The following RABGAP1 variants were observed in gnomAD, a reference collection of about 807,000 sequenced individuals.
RABGAP1 encodes the protein RAB GTPase activating protein 1, also known as rab GTPase-activating protein 1.
RABGAP1 carries 23 observed loss-of-function variants against 137.6 expected under a neutral mutation model. That is an observed-to-expected ratio of 0.17 (90% CI 0.12 to 0.24). RABGAP1 has a LOEUF of 0.24. RABGAP1 is among the 10% of genes least tolerant of loss of function. The pLI is 1.00. For synonymous variants in RABGAP1, 451 were observed against 450.7 expected (o/e 1.00, Z -0.01); for missense variants, 906 against 1,275.8 (o/e 0.71, Z 4.42).
At chr9:122,990,500 T>C (rs1229633651) in intron 6 of RABGAP1, 1 of 200,230 alleles carries the variant, frequency 5.0e-6, no homozygotes, top group Non-Finnish European at 1.0e-5. Flanking sequence ...CCAGGCGCTG[T>C]GGCTCACACC....
chr9:122,966,868 C>T (rs7040967), intron 2 of RABGAP1, among the ~76,000 whole-genome samples: 16,488 of 152,060 alleles, frequency 0.11, 2,887 homozygotes, highest in African/African-American at 0.37. Flanking sequence ...TGGAAGCAGG[C>T]AAGAGAAGAG....
chr9:123,060,472 G>A (rs947019240), intron 13 of RABGAP1, among the ~76,000 whole-genome samples: 1 of 152,166 alleles, frequency 6.6e-6, no homozygotes, highest in Non-Finnish European at 1.5e-5. Context: ...ATGGACATTT[G>A]AGGTTTCTAG....
At chr9:123,034,924 C>G (rs1343587719) in intron 13 of RABGAP1, 4 of 1,613,082 alleles carry the variant, frequency 2.5e-6, no homozygotes, top group Non-Finnish European at 2.5e-6. Flanking sequence ...CATGGCTTCT[C>G]TGGCCTGTAT....
At chr9:123,038,080 A>AT (rs935004369) in intron 13 of RABGAP1, among the ~76,000 whole-genome samples, 1 of 152,092 alleles carries the variant, frequency 6.6e-6, no homozygotes, top group African/African-American at 2.4e-5. Context: ...AACTAGTTGT[A>AT]TTTTTTAATG....
In RABGAP1 at chr9:123,015,581, T is replaced by G; in HGVS notation, c.1588T>G (p.Ser530Ala). 1 of 1,612,836 alleles carries G rather than the reference T, an allele frequency of 6.2e-7. No individual in the cohort carries two copies. Among genetic ancestry groups the G allele is most frequent in the Non-Finnish European group, 8.5e-7 (1 of 1,179,118 alleles). Reference protein sequence around the residue: ...EPLLSGSGDVSKECAEKILET... With the variant: ...EPLLSGSGDVAKECAEKILET... ...TCTCCTGAGTGGATCTGGTGATGTA[T>G]CCAAAGAATGTGCAGAAAAAATTCT... is the stretch of plus-strand genomic sequence containing the variant. The change falls in exon 12 of 26, where the codon TCC becomes GCC. Residue 530 changes from serine to alanine, a missense_variant. Around this residue, in one of 9 missense-constraint regions of RABGAP1, gnomAD observed 212 missense variants for 289.4 expected, o/e 0.73. Coordinates refer to ENST00000373647, the MANE Select transcript of RABGAP1 (RefSeq NM_012197.4).
rs542039183 is a variant in RABGAP1 at position 122,944,348 on chromosome 9, G to A, written c.-50+3255G>A. Among the ~76,000 whole-genome samples the A allele has an allele frequency of 4.6e-5, 7 of 151,434 alleles. No individual in the cohort carries two copies. In the East Asian group the frequency reaches 1.4e-3, roughly 29 times the overall value. On this transcript the variant is annotated intron_variant, in intron 1 of 25. Transcript: ENST00000373647. ...GGGCACCAGTGATCCTCCTGCTTCA[G>A]CCTCCCAAGTAGCTAGGACTGCAGG... is the stretch of plus-strand genomic sequence containing the variant.
chr9:123,017,066 T>G (rs2031285739), intron 12 of RABGAP1, among the ~76,000 whole-genome samples: 1 of 152,206 alleles, frequency 6.6e-6, no homozygotes, highest in African/African-American at 2.4e-5. Flanking sequence ...TGGTATTTCT[T>G]TACATCAGGA....
At chr9:123,010,572 C>T (rs373522600) in intron 11 of RABGAP1, 44 bp downstream of exon 11, 37 of 1,532,462 alleles carry the variant, frequency 2.4e-5, no homozygotes, top group Non-Finnish European at 3.1e-5. Flanking sequence ...GGGTGGAAGA[C>T]CATGCAAACT....
At chr9:123,082,070 A>AT (rs531295164) in intron 19 of RABGAP1, among the ~76,000 whole-genome samples, 387 of 144,250 alleles carry the variant, frequency 2.7e-3, no homozygotes, top group African/African-American at 7.6e-3. Context: ...GCCCTTGGAA[A>AT]TTTTTTTTTT....
intron 19 of RABGAP1, among the ~76,000 whole-genome samples, chr9:123,081,177 C>T (rs1008474427): frequency 6.6e-6 from 1 of 152,216 alleles, no homozygotes; most frequent in Non-Finnish European, 1.5e-5. Context: ...GAATTCAGTA[C>T]ATAATACCTA....
At chr9:123,026,538 C>A (rs1682612792) in intron 13 of RABGAP1, among the ~76,000 whole-genome samples, 1 of 152,130 alleles carries the variant, frequency 6.6e-6, no homozygotes, top group African/African-American at 2.4e-5. Context: ...ATAGACCAAG[C>A]ACCCCTGGTA....
chr9:122,956,845 T>C (rs964891812), intron 1 of RABGAP1, among the ~76,000 whole-genome samples, 166 bp from the exon 2 acceptor site: 4 of 152,000 alleles, frequency 2.6e-5, no homozygotes, highest in African/African-American at 9.7e-5. Context: ...AATTCCCTTA[T>C]TATCTGGAAT....
intron 13 of RABGAP1, among the ~76,000 whole-genome samples, chr9:123,044,645 G>GTT (rs2033122322): frequency 6.6e-6 from 1 of 152,002 alleles, no homozygotes; most frequent in African/African-American, 2.4e-5. Context: ...GTGTGTGTGT[G>GTT]TGTGTGTGTA....
At chr9:123,043,783 T>TA (rs1173066031) in intron 13 of RABGAP1, among the ~76,000 whole-genome samples, 2 of 151,868 alleles carry the variant, frequency 1.3e-5, no homozygotes, top group African/African-American at 2.4e-5. Flanking sequence ...CAAACAGCTT[T>TA]AAAAAAAGGA....
At position 122,964,993 on chromosome 9, in the gene RABGAP1, T is replaced by C. The variant is rs56911761; in HGVS notation, c.150+7784T>C. 9.8e-3 allele frequency among the ~76,000 whole-genome samples: 1,491 copies of C among 152,102 alleles called. 43 individuals are homozygous for C. Among genetic ancestry groups the C allele is most frequent in the East Asian group, 0.074 (385 of 5,178 alleles). On this transcript the variant is annotated intron_variant, in intron 2 of 25. Coordinates refer to ENST00000373647, the MANE Select transcript of RABGAP1 (RefSeq NM_012197.4). ...ACCTGGGCAACAGAGGGAGACCCTG[T>C]CTCTACTTAGAAAAAAAGATTTCAA...
chr9:123,047,619 C>T (rs1588330434), intron 13 of RABGAP1, among the ~76,000 whole-genome samples: 2 of 151,950 alleles, frequency 1.3e-5, no homozygotes, highest in South Asian at 4.2e-4. Flanking sequence ...TATTAAGATT[C>T]TTCCATAGAA....
At chr9:123,040,088 C>G (rs994617845) in intron 13 of RABGAP1, among the ~76,000 whole-genome samples, 2 of 152,084 alleles carry the variant, frequency 1.3e-5, no homozygotes, top group African/African-American at 4.8e-5. Context: ...AGAGAGGGAT[C>G]AAAGAAGGAT....
chr9:123,035,407 A>C lies in RABGAP1; in HGVS notation c.1794+14948A>C, dbSNP rs374937213. 242 of 1,614,070 alleles carry C rather than the reference A, an allele frequency of 1.5e-4. No individual in the cohort carries two copies. The highest frequency in any genetic ancestry group is 2.0e-4 in the Non-Finnish European group (237 of 1,180,036). ...CTTGTTGGAAAGCTCCACTGGCCAC[A>C]GCAACCGCTTCGCATCCTTCTTGAC... On this transcript the variant is annotated intron_variant, in intron 13 of 25. Transcript: ENST00000373647.
At chr9:123,053,555 T>A (rs916270857) in intron 13 of RABGAP1, among the ~76,000 whole-genome samples, 9 of 152,210 alleles carry the variant, frequency 5.9e-5, no homozygotes, top group Non-Finnish European at 8.8e-5. Context: ...CTGACTTTTT[T>A]AAAAGAAAAT....
Sources: allele counts gnomAD v4.1 joint callset (sites outside exome capture counted in the v4.1 genomes callset), GRCh38; gene constraint gnomAD v4.1.1; regional missense constraint gnomAD v4.1.1; transcripts MANE v1.5; gene names NCBI Gene and HGNC (gene_info 2026-07-23, HGNC 2026-07-21).